The following CDH13 variants were observed in gnomAD, a reference collection of about 807,000 sequenced individuals.
The protein encoded by CDH13 is cadherin 13.
In CDH13, 24 loss-of-function variants were observed where a neutral mutation model predicts 63.8. That is an observed-to-expected ratio of 0.38 (90% CI 0.27 to 0.53). The LOEUF (loss-of-function observed/expected upper bound fraction) is 0.53. Among genes scored for constraint, CDH13 ranks in the 20% least tolerant of loss-of-function variants. The pLI is 0.85. For missense variants in CDH13, 1,049 were observed against 903.1 expected, an observed-to-expected ratio of 1.16 and a Z score of -2.07; for synonymous variants, 503 against 355.3, an observed-to-expected ratio of 1.42 and a Z score of -4.67.
intron 6 of CDH13, among the ~76,000 whole-genome samples, chr16:83,468,971 A>G (rs1481794396): frequency 6.6e-6 from 1 of 152,092 alleles, no homozygotes; most frequent in Admixed American, 6.5e-5. Flanking sequence ...ATTGCCCACC[A>G]TTGCTAAAGC....
intron 6 of CDH13, among the ~76,000 whole-genome samples, chr16:83,350,759 G>T (rs576877284): frequency 6.6e-6 from 1 of 152,170 alleles, no homozygotes; most frequent in East Asian, 1.9e-4. Context: ...GGCTCATCTC[G>T]GGAGGGGCCA....
At chr16:83,748,051 A>G in intron 10 of CDH13, 57 bp from the exon 11 acceptor site, 1 of 1,598,466 alleles carries the variant, frequency 6.3e-7, no homozygotes. Flanking sequence ...GCACTCTGTA[A>G]ATGTTTCTTG....
chr16:83,226,713 C>A (rs745889908), intron 5 of CDH13, among the ~76,000 whole-genome samples: 1 of 152,168 alleles, frequency 6.6e-6, no homozygotes, highest in African/African-American at 2.4e-5. Flanking sequence ...TTTTGTCCAG[C>A]CCAGCAGCCC....
chr16:83,617,617 A>G (rs1303571128), intron 8 of CDH13, among the ~76,000 whole-genome samples: 1 of 151,266 alleles, frequency 6.6e-6, no homozygotes, highest in African/African-American at 2.4e-5. Context: ...ATATCTTAAT[A>G]TGCACATATT....
chr16:83,730,634 T>A (rs1299472305), intron 10 of CDH13, among the ~76,000 whole-genome samples: 2 of 152,198 alleles, frequency 1.3e-5, no homozygotes, highest in Non-Finnish European at 2.9e-5. Context: ...TTTGTTTGTT[T>A]GTTTTTGTTT....
chr16:83,211,812 T>C (rs900165541), intron 4 of CDH13, among the ~76,000 whole-genome samples: 2 of 151,500 alleles, frequency 1.3e-5, no homozygotes, highest in African/African-American at 4.9e-5. Context: ...GAGGCAAGAC[T>C]CCTGTGTGCT....
intron 6 of CDH13, among the ~76,000 whole-genome samples, chr16:83,477,729 A>T (rs989828133): frequency 2.6e-5 from 4 of 152,278 alleles, no homozygotes; most frequent in Middle Eastern, 3.4e-3. Context: ...CTTTGGGGGA[A>T]AGAATGGCTC....
intron 3 of CDH13, among the ~76,000 whole-genome samples, chr16:83,081,363 C>T (rs1460609593): frequency 3.3e-5 from 5 of 152,108 alleles, no homozygotes; most frequent in Non-Finnish European, 7.4e-5. Flanking sequence ...GGGCATTGAA[C>T]ACAGGATCAC....
intron 1 of CDH13, among the ~76,000 whole-genome samples, chr16:82,721,113 C>A (rs1162801948): frequency 6.6e-6 from 1 of 152,154 alleles, no homozygotes; most frequent in Admixed American, 6.5e-5. Flanking sequence ...ATTCAATGAC[C>A]AGTCATTCCT....
At position 82,724,249 on chromosome 16, in the gene CDH13, A is replaced by G. The variant is rs188000253; in HGVS notation, c.45+97112A>G. 2.5e-3 allele frequency among the ~76,000 whole-genome samples: 384 copies of G among 151,914 alleles called. 1 individual carries two copies. The highest frequency in any genetic ancestry group is 8.9e-3 in the African/African-American group (368 of 41,232). On this transcript the variant is annotated intron_variant, in intron 1 of 13. Transcript: ENST00000567109. ...CATTAATCCAGTCATCCTTCCATCC[A>G]TCTATCCATCTATGCATCCTTCCGT...
chr16:82,916,573 CA>C (rs71803730), intron 2 of CDH13, among the ~76,000 whole-genome samples: 20 of 144,320 alleles, frequency 1.4e-4, no homozygotes, highest in South Asian at 9.0e-4. Flanking sequence ...GACTCTGTCT[CA>C]AAAAAAAAAT....
chr16:83,507,461 G>C (rs1204607453), intron 7 of CDH13, among the ~76,000 whole-genome samples: 1 of 152,194 alleles, frequency 6.6e-6, no homozygotes, highest in African/African-American at 2.4e-5. Context: ...CTTTAAAGTA[G>C]TTTAGAAGCA....
At chr16:82,714,041 C>G (rs2032167040) in intron 1 of CDH13, among the ~76,000 whole-genome samples, 3 of 152,084 alleles carry the variant, frequency 2.0e-5, no homozygotes, top group African/African-American at 7.2e-5. Flanking sequence ...TCAGGTGATT[C>G]ACCTGTCTCG....
At chr16:83,144,246 G>A (rs1256935717) in intron 4 of CDH13, among the ~76,000 whole-genome samples, 1 of 152,094 alleles carries the variant, frequency 6.6e-6, no homozygotes, top group East Asian at 1.9e-4. Flanking sequence ...TACTTATTTG[G>A]ATAGTCAAGG....
intron 4 of CDH13, among the ~76,000 whole-genome samples, chr16:83,136,486 CAAAAA>C (rs542700844): frequency 1.9e-4 from 12 of 61,544 alleles, no homozygotes; most frequent in Admixed American, 8.6e-4. Context: ...ACTCTGTCTC[CAAAAA>C]AAAAAAAAAA....
chr16:82,933,358 C>T (rs945793138), intron 2 of CDH13, among the ~76,000 whole-genome samples: 4 of 152,222 alleles, frequency 2.6e-5, no homozygotes, highest in Non-Finnish European at 4.4e-5. Context: ...AGAACTCATT[C>T]ACTATCATGA....
chr16:83,552,954 C>T (rs2075534348), intron 7 of CDH13, among the ~76,000 whole-genome samples: 1 of 152,078 alleles, frequency 6.6e-6, no homozygotes, highest in Non-Finnish European at 1.5e-5. Context: ...TGGCACGCAC[C>T]TGTAATTCCA....
At chr16:83,602,316 A>C in intron 7 of CDH13, 138 bp from the exon 8 acceptor site, 1 of 846,442 alleles carries the variant, frequency 1.2e-6, no homozygotes. Flanking sequence ...CAATAGGTAA[A>C]AATGTTATCA....
chr16:83,537,587 C>T (rs1032878619), intron 7 of CDH13, among the ~76,000 whole-genome samples: 10 of 152,144 alleles, frequency 6.6e-5, no homozygotes, highest in African/African-American at 2.4e-4. Flanking sequence ...TACTGTAGGG[C>T]TTCTCAGAAC....
Sources: allele counts gnomAD v4.1 joint callset (sites outside exome capture counted in the v4.1 genomes callset), GRCh38; gene constraint gnomAD v4.1.1; transcripts MANE v1.5; gene names NCBI Gene and HGNC (gene_info 2026-07-23, HGNC 2026-07-21).